Variants in HIVEP3 observed in about 807,000 individuals in gnomAD.
The protein encoded by HIVEP3 is transcription factor HIVEP3.
Under a neutral mutation model 152.8 loss-of-function variants are expected in HIVEP3, and 49 were observed. That is an observed-to-expected ratio of 0.32 (90% CI 0.26 to 0.41). The LOEUF (loss-of-function observed/expected upper bound fraction) is 0.41. HIVEP3 is among the 10% of genes least tolerant of loss of function. The probability of loss-of-function intolerance (pLI) is 1.00; values close to 1 mark genes in which losing one functional copy is unlikely to be tolerated. For synonymous variants in HIVEP3, 1,269 were observed against 1,289.0 expected (o/e 0.98, Z 0.33); for missense variants, 2,790 against 3,103.3 (o/e 0.90, Z 2.40).
rs1331567945 is a variant in HIVEP3, at chr1:41,584,038, T to C, written c.760A>G (p.Met254Val). Residue 254 changes from methionine (M) to valine (V), a missense_variant, in exon 4 of 9, where the codon ATG becomes GTG. Transcript: ENST00000372583. This position sits in a 1 kb window ranked among gnomAD's most constrained non-coding sequence, Gnocchi z 5.2. ...HRIKAGLASG[M>V]GGEMYPHGLE... Reference sequence around the variant, plus strand: ...CCATGTGGGTACATCTCGCCACCCATGCCTGAGGCCAGGCCTGCTTTGATG... The same window carrying C: ...CCATGTGGGTACATCTCGCCACCCACGCCTGAGGCCAGGCCTGCTTTGATG... 2 of 1,614,080 alleles carry C rather than the reference T, an allele frequency of 1.2e-6. No homozygotes were observed. Among genetic ancestry groups the C allele is most frequent in the Admixed American group, 1.7e-5 (1 of 60,006 alleles).
chr1:41,707,139 C>G (rs966937685), intron 1 of HIVEP3, among the ~76,000 whole-genome samples: 1 of 152,198 alleles, frequency 6.6e-6, no homozygotes, highest in Non-Finnish European at 1.5e-5. Flanking sequence ...TCAGCTCCCC[C>G]GGGGCTGCCC....
intron 1 of HIVEP3, among the ~76,000 whole-genome samples, chr1:41,824,414 T>A (rs183212915): frequency 6.6e-6 from 1 of 152,052 alleles, no homozygotes; most frequent in African/African-American, 2.4e-5. Context: ...AATAACCTAG[T>A]CTAGTCAGAA....
chr1:41,841,750 G>A (rs1557436672), intron 1 of HIVEP3, among the ~76,000 whole-genome samples: 2 of 152,186 alleles, frequency 1.3e-5, no homozygotes, highest in Non-Finnish European at 2.9e-5. Flanking sequence ...AAGACCTGGT[G>A]AGGTAAGTGT....
At chr1:41,804,099 C>T (rs752794066) in intron 1 of HIVEP3, among the ~76,000 whole-genome samples, 2 of 152,232 alleles carry the variant, frequency 1.3e-5, no homozygotes, top group Admixed American at 6.5e-5. Flanking sequence ...GATCTCAAAT[C>T]TTTATTTGGA....
chr1:41,996,161 G>C (rs528540155), intron 1 of HIVEP3, among the ~76,000 whole-genome samples: 136 of 152,088 alleles, frequency 8.9e-4, no homozygotes, highest in Middle Eastern at 3.4e-3. Context: ...AGGAGGCTGA[G>C]GTGAGAGGAT....
In HIVEP3 at chr1:41,893,205, C is replaced by T. The variant is rs189317529; in HGVS notation, c.-801+25208G>A. Among the ~76,000 whole-genome samples the T allele has an allele frequency of 5.8e-3, 885 of 151,992 alleles. 4 individuals carry two copies. The highest frequency in any genetic ancestry group is 0.01 in the Non-Finnish European group (690 of 68,010). On this transcript the variant is annotated intron_variant, in intron 1 of 8. Coordinates refer to ENST00000372583, the MANE Select transcript of HIVEP3 (RefSeq NM_024503.5). ...CTCAAACCCACATACAGAAGCTTGT[C>T]GGCTGCTGTGTGTACACATACCAGC...
At chr1:41,996,470 A>G (rs919667150) in intron 1 of HIVEP3, among the ~76,000 whole-genome samples, 1 of 151,582 alleles carries the variant, frequency 6.6e-6, no homozygotes, top group African/African-American at 2.4e-5. Context: ...TCCCATAGAG[A>G]TAACTGATAT....
intron 1 of HIVEP3, among the ~76,000 whole-genome samples, chr1:42,013,493 C>T (rs1016348399): frequency 2.6e-5 from 4 of 152,186 alleles, no homozygotes; most frequent in African/African-American, 7.2e-5. Context: ...TATTTAAAAT[C>T]TCAACAGGAG....
chr1:41,961,743 AT>A (rs1445079101), intron 1 of HIVEP3, among the ~76,000 whole-genome samples: 1 of 152,268 alleles, frequency 6.6e-6, no homozygotes, highest in Non-Finnish European at 1.5e-5. Context: ...GAGAGAAAAC[AT>A]TCCCTGATTC....
chr1:41,737,827 G>C (rs927993655), intron 1 of HIVEP3, among the ~76,000 whole-genome samples: 1 of 152,186 alleles, frequency 6.6e-6, no homozygotes, highest in Non-Finnish European at 1.5e-5. Flanking sequence ...ATTTGGAAAG[G>C]GAGATTTTAA....
At chr1:41,545,533 T>C (rs563188334) in intron 5 of HIVEP3, among the ~76,000 whole-genome samples, 1,784 of 48,128 alleles carry the variant, frequency 0.037, 83 homozygotes, top group African/African-American at 0.12. Flanking sequence ...ACCACTACCA[T>C]CACCACCACC....
Position 41,628,739 on chromosome 1 carries a change from C to G in HIVEP3, c.-522+10G>C. ...GGCAAGCATATTCAGCAACAGCCCC[C>G]ATTTCCTACCTGTGCTGAAGGCACC... On this transcript the variant is annotated intron_variant, in intron 3 of 8. Transcript: ENST00000372583. 1 of 1,231,974 alleles carries G rather than the reference C, an allele frequency of 8.1e-7. No individual in the cohort carries two copies. Among genetic ancestry groups the G allele is most frequent in the Non-Finnish European group, 1.0e-6 (1 of 987,764 alleles). 76.3% of individuals were successfully genotyped at this position (1,231,974 alleles called of 1,614,324 possible).
intron 2 of HIVEP3, among the ~76,000 whole-genome samples, chr1:41,672,143 G>A (rs1394607973): frequency 6.6e-6 from 1 of 152,158 alleles, no homozygotes; most frequent in Non-Finnish European, 1.5e-5. Context: ...CTCTCACCTG[G>A]GAGAGCCACT....
chr1:41,702,234 G>A lies in HIVEP3; in HGVS notation c.-800-1239C>T, dbSNP rs148086205. Among the ~76,000 whole-genome samples, 933 of 152,132 alleles carry A rather than the reference G, an allele frequency of 6.1e-3. 12 individuals carry two copies. The highest frequency in any genetic ancestry group is 0.022 in the African/African-American group (898 of 41,504). On this transcript the variant is annotated intron_variant, in intron 1 of 8. Coordinates refer to ENST00000372583, the MANE Select transcript of HIVEP3 (RefSeq NM_024503.5). Reference sequence around the variant, plus strand: ...ATCAACATCATTACTATCAACAACAGCAGCAGCAGCAGCACCACCACCATC... The same window carrying A: ...ATCAACATCATTACTATCAACAACAACAGCAGCAGCAGCACCACCACCATC...
chr1:41,781,645 C>G (rs562947520), intron 1 of HIVEP3, among the ~76,000 whole-genome samples: 2 of 152,200 alleles, frequency 1.3e-5, no homozygotes, highest in African/African-American at 4.8e-5. Flanking sequence ...AAAACCCTAC[C>G]ATGGTTTCCC....
chr1:41,940,315 C>CA (rs1645039770), intron 1 of HIVEP3, among the ~76,000 whole-genome samples: 1 of 152,150 alleles, frequency 6.6e-6, no homozygotes. Context: ...TGCTAACATT[C>CA]AATTAGTTAA....
intron 1 of HIVEP3, among the ~76,000 whole-genome samples, chr1:42,019,679 G>C (rs12071539): frequency 0.014 from 2,172 of 151,818 alleles, 52 homozygotes; most frequent in African/African-American, 0.051. Flanking sequence ...GTTGCCTATT[G>C]ATAATGACAG....
chr1:41,607,186 C>G (rs1240330503), intron 3 of HIVEP3, among the ~76,000 whole-genome samples: 5 of 152,074 alleles, frequency 3.3e-5, no homozygotes, highest in Non-Finnish European at 7.4e-5. Context: ...CTACCCACCC[C>G]CTGACTGTCT....
chr1:41,991,722 T>C (rs1229200433), intron 1 of HIVEP3, among the ~76,000 whole-genome samples: 1 of 150,860 alleles, frequency 6.6e-6, no homozygotes, highest in African/African-American at 2.5e-5. Flanking sequence ...CCAATATCCT[T>C]GATGAACATT....
Sources: gnomAD v4.1 joint callset for allele counts (sites outside exome capture counted in the v4.1 genomes callset) on GRCh38, gnomAD v4.1.1 for gene constraint, Gnocchi (gnomAD v3.1) non-coding constraint, MANE v1.5 for transcripts, NCBI Gene and HGNC (gene_info 2026-07-23, HGNC 2026-07-21) for gene names.